The following PTK2B variants were observed in gnomAD, a reference collection of about 807,000 sequenced individuals.
The protein encoded by PTK2B is protein tyrosine kinase 2 beta, also known as protein-tyrosine kinase 2-beta.
PTK2B carries 71 observed loss-of-function variants against 142.9 expected under a neutral mutation model. The ratio of observed to expected loss-of-function variants is 0.50; its 90% CI spans 0.41 to 0.61. The LOEUF (loss-of-function observed/expected upper bound fraction) is 0.61. Ranked by LOEUF, PTK2B falls within the 20% of genes least tolerant of loss-of-function variation. The probability of loss-of-function intolerance (pLI) is 0.00; values close to 1 mark genes in which losing one functional copy is unlikely to be tolerated. For synonymous variants in PTK2B, 519 were observed against 503.4 expected (o/e 1.03, Z -0.42); for missense variants, 1,105 against 1,320.4 (o/e 0.84, Z 2.53).
intron 28 of PTK2B, 151 bp downstream of exon 28, chr8:27,453,311 CG>C: frequency 1.0e-6 from 1 of 981,664 alleles, no homozygotes; most frequent in Non-Finnish European, 1.5e-6. Context: ...GGGCGGGTGG[CG>C]GGGTGCCTTG....
At chr8:27,432,706 G>T (rs1586311482) in intron 10 of PTK2B, among the ~76,000 whole-genome samples, 1 of 152,100 alleles carries the variant, frequency 6.6e-6, no homozygotes, top group Middle Eastern at 3.4e-3. Flanking sequence ...AAAAACATGG[G>T]TTTTTTTGTT....
At chr8:27,350,780 C>T (rs1805002522) in intron 1 of PTK2B, among the ~76,000 whole-genome samples, 1 of 150,902 alleles carries the variant, frequency 6.6e-6, no homozygotes, top group Non-Finnish European at 1.5e-5. Context: ...GAGTTCAAGA[C>T]CACTCTGGCC....
At chr8:27,387,293 A>G (rs1807424883) in intron 1 of PTK2B, among the ~76,000 whole-genome samples, 1 of 152,096 alleles carries the variant, frequency 6.6e-6, no homozygotes, top group Admixed American at 6.5e-5. Context: ...CATCCTCAAA[A>G]TGGGAGAGCA....
At chr8:27,453,881 A>G (rs950648081) in intron 28 of PTK2B, 1 of 405,152 alleles carries the variant, frequency 2.5e-6, no homozygotes, top group Non-Finnish European at 4.4e-6. Context: ...CTCTTCAAAG[A>G]AAAAAAGCCT....
At chr8:27,333,849 A>ACCCT (rs1413590391) in intron 1 of PTK2B, among the ~76,000 whole-genome samples, 4 of 151,146 alleles carry the variant, frequency 2.6e-5, no homozygotes, top group East Asian at 3.9e-4. Flanking sequence ...GATTCCCAGG[A>ACCCT]CCCTCCCTCC....
At chr8:27,358,354 T>A (rs1360493831) in intron 1 of PTK2B, among the ~76,000 whole-genome samples, 1 of 152,228 alleles carries the variant, frequency 6.6e-6, no homozygotes, top group African/African-American at 2.4e-5. Context: ...ATATTTTTAA[T>A]TGTCTGTGTT....
At chr8:27,321,725 A>T (rs1803221217), upstream of PTK2B, among the ~76,000 whole-genome samples, 1 of 152,224 alleles carries the variant, frequency 6.6e-6, no homozygotes, top group Admixed American at 6.5e-5. Flanking sequence ...CTGGTCACAC[A>T]TGCAAGGGAG....
intron 1 of PTK2B, among the ~76,000 whole-genome samples, chr8:27,372,637 C>G (rs1199057627): frequency 6.6e-6 from 1 of 152,170 alleles, no homozygotes; most frequent in African/African-American, 2.4e-5. Context: ...TACTCCATAG[C>G]CCAGTCAAGT....
At chr8:27,416,260 T>TA (rs573236503) in intron 2 of PTK2B, among the ~76,000 whole-genome samples, 180 of 152,356 alleles carry the variant, frequency 1.2e-3, no homozygotes, top group African/African-American at 4.2e-3. Flanking sequence ...GACTTAACCC[T>TA]ATTTGACTTC....
chr8:27,384,925 G>C (rs1196015047), intron 1 of PTK2B, among the ~76,000 whole-genome samples: 1 of 152,112 alleles, frequency 6.6e-6, no homozygotes, highest in African/African-American at 2.4e-5. Context: ...CTTACTCTGG[G>C]GGTGTCTATG....
chr8:27,404,807 G>A (rs1490927430), intron 2 of PTK2B, among the ~76,000 whole-genome samples: 1 of 152,174 alleles, frequency 6.6e-6, no homozygotes, highest in Non-Finnish European at 1.5e-5. Context: ...GACACAAGGT[G>A]CACAGGGTGT....
At chr8:27,345,772 A>G (rs181694940) in intron 1 of PTK2B, among the ~76,000 whole-genome samples, 3 of 152,284 alleles carry the variant, frequency 2.0e-5, no homozygotes, top group East Asian at 1.9e-4. Context: ...TACGAAACCT[A>G]TAACATTAAT....
intron 3 of PTK2B, among the ~76,000 whole-genome samples, chr8:27,320,299 A>C (rs1803183169): frequency 6.6e-6 from 1 of 152,152 alleles, no homozygotes; most frequent in Non-Finnish European, 1.5e-5. Flanking sequence ...GTCTTTAGCT[A>C]AACTAAGGAA....
At chr8:27,371,472 G>A (rs887959494) in intron 1 of PTK2B, among the ~76,000 whole-genome samples, 5 of 151,834 alleles carry the variant, frequency 3.3e-5, no homozygotes, top group Non-Finnish European at 5.9e-5. Context: ...CCTTGGGCTG[G>A]TTATTTATTG....
At chr8:27,453,718 A>G (rs1811964822) in intron 28 of PTK2B, among the ~76,000 whole-genome samples, 1 of 152,080 alleles carries the variant, frequency 6.6e-6, no homozygotes. Flanking sequence ...CATCTTTACT[A>G]AATTTTTTTA....
chr8:27,428,326 C>G (rs114956190), intron 5 of PTK2B, among the ~76,000 whole-genome samples: 1 of 152,198 alleles, frequency 6.6e-6, no homozygotes, highest in African/African-American at 2.4e-5. Flanking sequence ...AGGCCAGGAC[C>G]GGTCCATGGT....
At chr8:27,360,322 C>A (rs1467297681) in intron 1 of PTK2B, among the ~76,000 whole-genome samples, 2 of 152,246 alleles carry the variant, frequency 1.3e-5, no homozygotes, top group Non-Finnish European at 2.9e-5. Flanking sequence ...AATCAGACAG[C>A]CCAAGGAATC....
At chr8:27,406,626 T>G (rs566638311) in intron 2 of PTK2B, among the ~76,000 whole-genome samples, 1 of 152,184 alleles carries the variant, frequency 6.6e-6, no homozygotes, top group Admixed American at 6.5e-5. Flanking sequence ...CCCTTTATAG[T>G]TGGCACATTG....
intron 1 of PTK2B, among the ~76,000 whole-genome samples, chr8:27,392,456 G>A (rs990478375): frequency 4.6e-5 from 7 of 152,120 alleles, no homozygotes; most frequent in East Asian, 1.9e-4. Flanking sequence ...TATTGCTTAC[G>A]AGGAACTCTC....
Sources: allele counts gnomAD v4.1 joint callset (sites outside exome capture counted in the v4.1 genomes callset), GRCh38; gene constraint gnomAD v4.1.1; transcripts MANE v1.5; gene names NCBI Gene and HGNC (gene_info 2026-07-23, HGNC 2026-07-21).